Variants in APOLD1 observed in about 807,000 individuals in gnomAD.
The protein encoded by APOLD1 is apolipoprotein L domain containing 1, also known as apolipoprotein L domain-containing protein 1.
Under a neutral mutation model 15.3 loss-of-function variants are expected in APOLD1, and 22 were observed. The observed-to-expected ratio is 1.44, with a 90% CI of 1.03 to 2.05. The LOEUF is 2.05. APOLD1 is among the 30% of genes most tolerant of loss of function. The pLI, the probability that APOLD1 is intolerant of heterozygous loss-of-function variation, is 0.00. For synonymous variants in APOLD1, 190 were observed against 167.4 expected (o/e 1.13, Z -1.04); for missense variants, 394 against 353.5 (o/e 1.11, Z -0.92).
chr12:12,726,175 AAAAAAG>A, intron 1 of APOLD1: 1 of 941,188 alleles, frequency 1.1e-6, no homozygotes, highest in East Asian at 3.1e-5. Flanking sequence ...AAAAAAAAAA[AAAAAAG>A]AGGAAATAGA....
chr12:12,756,609 A>G (rs182142368), intron 1 of APOLD1, among the ~76,000 whole-genome samples: 136 of 152,130 alleles, frequency 8.9e-4, no homozygotes, highest in Middle Eastern at 3.4e-3. Flanking sequence ...ACCACTATCC[A>G]TTTCTAGAAC....
In APOLD1 at chr12:12,788,369, G is replaced by A. The variant is rs545250995; in HGVS notation, c.*717G>A. 11 of 152,410 alleles carry A rather than the reference G, an allele frequency of 7.2e-5. No individual in the cohort carries two copies. Among genetic ancestry groups the A allele is most frequent in the African/African-American group, 2.6e-4 (11 of 41,582 alleles). The allele number at this position is 152,410 out of a possible 1,614,324, so 9.4% of individuals were successfully genotyped here. On this transcript the variant is annotated 3_prime_UTR_variant, in exon 2 of 2. Transcript: ENST00000356591. ...TGAAGCTGAGGGCCAGATAGATGGAGCGACTGCCAACTTCATTTCCCGACA... is the reference window on the plus strand; with the variant it reads ...TGAAGCTGAGGGCCAGATAGATGGAACGACTGCCAACTTCATTTCCCGACA...
At chr12:12,762,608 C>T (rs1268285680) in intron 1 of APOLD1, among the ~76,000 whole-genome samples, 2 of 151,860 alleles carry the variant, frequency 1.3e-5, no homozygotes. Flanking sequence ...CCACCTCAGC[C>T]TCCCAAAGTA....
intron 1 of APOLD1, among the ~76,000 whole-genome samples, chr12:12,739,209 C>T (rs1946712573): frequency 6.6e-6 from 1 of 152,116 alleles, no homozygotes; most frequent in South Asian, 2.1e-4. Context: ...TTTCTTTTTC[C>T]CAGGACACCT....
chr12:12,733,892 C>T (rs538177595), intron 1 of APOLD1, among the ~76,000 whole-genome samples: 107 of 152,346 alleles, frequency 7.0e-4, no homozygotes, highest in Admixed American at 1.0e-3. Context: ...GCGTGAGCCA[C>T]CGCGCCCAGC....
At chr12:12,733,896 G>A (rs150760785) in intron 1 of APOLD1, among the ~76,000 whole-genome samples, 4 of 152,166 alleles carry the variant, frequency 2.6e-5, no homozygotes, top group African/African-American at 7.2e-5. Flanking sequence ...GAGCCACCGC[G>A]CCCAGCCGGT....
chr12:12,732,000 A>G (rs778709507), intron 1 of APOLD1, among the ~76,000 whole-genome samples: 16 of 152,330 alleles, frequency 1.1e-4, no homozygotes, highest in African/African-American at 2.4e-4. Context: ...CAGCACAACT[A>G]TAAGTATGTA....
In APOLD1 at chr12:12,787,595, C is replaced by T. The variant is rs1947143777; in HGVS notation, c.690C>T (p.Ser230=). ...CTCGGGTTCAGCTCTGCACCAAGTC[C>T]AGTCGTGGCCACGACCTCAAGATCT... ...LESRVQLCTK[S]SRGHDLKISA... The change falls in exon 2 of 2, where the codon TCC becomes TCT. Residue 230 remains serine (S), a synonymous_variant. Coordinates refer to ENST00000356591, the MANE Select transcript of APOLD1 (RefSeq NM_030817.3). The surrounding 1 kb of genome is among the most constrained non-coding windows in gnomAD (Gnocchi z 4.9). The T allele has an allele frequency of 6.2e-7, 1 of 1,611,410 alleles. No individual in the cohort carries two copies. The highest frequency in any genetic ancestry group is 8.5e-7 in the Non-Finnish European group (1 of 1,180,008).
intron 1 of APOLD1, among the ~76,000 whole-genome samples, chr12:12,744,307 T>TAA (rs35191312): frequency 6.9e-5 from 9 of 131,158 alleles, no homozygotes; most frequent in East Asian, 2.2e-4. Flanking sequence ...AGACCCTGCT[T>TAA]AAAAAAAAAA....
intron 1 of APOLD1, among the ~76,000 whole-genome samples, chr12:12,738,335 A>T (rs146038431): frequency 1.7e-3 from 260 of 150,570 alleles, no homozygotes; most frequent in African/African-American, 6.2e-3. Context: ...CAGCCTCCTG[A>T]GTAGCTGGGA....
At position 12,729,678 on chromosome 12, in the gene APOLD1, C is replaced by G. The variant is rs900621125; in HGVS notation, c.96+3582C>G. 2.0e-5 allele frequency among the ~76,000 whole-genome samples: 3 copies of G among 152,106 alleles called. No individual in the cohort carries two copies. In the East Asian group the frequency reaches 5.8e-4, roughly 29 times the overall value. On this transcript the variant is annotated intron_variant, in intron 1 of 1. Transcript: ENST00000326765. ...TGGAGGCTGAGGCAAGGGGATTGCT[C>G]TATCCCAGGAGTTCAGGGCCGCAGC...
At chr12:12,764,626 T>A in intron 1 of APOLD1, 1 of 457,708 alleles carries the variant, frequency 2.2e-6, no homozygotes, top group Middle Eastern at 3.5e-4. Flanking sequence ...CTACTAGGTG[T>A]GGGCTTTATT....
At chr12:12,769,150 C>T (rs1946964806) in intron 1 of APOLD1, among the ~76,000 whole-genome samples, 1 of 150,266 alleles carries the variant, frequency 6.7e-6, no homozygotes, top group Non-Finnish European at 1.5e-5. Flanking sequence ...ATCACTTGAG[C>T]CTAGGCAATT....
At chr12:12,782,666 C>CAACAA (rs948704304), upstream of APOLD1, among the ~76,000 whole-genome samples, 13 of 152,040 alleles carry the variant, frequency 8.6e-5, no homozygotes, top group African/African-American at 1.4e-4. Flanking sequence ...GACCCTGCCT[C>CAACAA]AACAAAACAA....
intron 1 of APOLD1, among the ~76,000 whole-genome samples, chr12:12,740,140 C>G (rs2136372910): frequency 6.6e-6 from 1 of 152,232 alleles, no homozygotes; most frequent in African/African-American, 2.4e-5. Flanking sequence ...TGCCACTACG[C>G]CTGGCTAATT....
chr12:12,764,847 G>T, intron 1 of APOLD1: 1 of 227,602 alleles, frequency 4.4e-6, no homozygotes. Context: ...AAACTCTGCT[G>T]GGCTAACAAA....
At chr12:12,736,074 G>C (rs1946682445) in intron 1 of APOLD1, among the ~76,000 whole-genome samples, 1 of 152,030 alleles carries the variant, frequency 6.6e-6, no homozygotes, top group Non-Finnish European at 1.5e-5. Context: ...CAAACAACTA[G>C]GCTGGGAGCA....
chr12:12,755,241 C>T (rs1238842156), intron 1 of APOLD1, among the ~76,000 whole-genome samples: 1 of 151,886 alleles, frequency 6.6e-6, no homozygotes, highest in African/African-American at 2.4e-5. Context: ...TGGGACAATT[C>T]GTTATATATA....
At chr12:12,753,632 C>G (rs890385998) in intron 1 of APOLD1, among the ~76,000 whole-genome samples, 9 of 151,920 alleles carry the variant, frequency 5.9e-5, no homozygotes, top group Non-Finnish European at 8.8e-5. Context: ...TGGATCACAC[C>G]ACTGCACTCC....
Sources: allele counts gnomAD v4.1 joint callset (sites outside exome capture counted in the v4.1 genomes callset), GRCh38; gene constraint gnomAD v4.1.1; non-coding constraint Gnocchi (gnomAD v3.1); transcripts MANE v1.5; gene names NCBI Gene and HGNC (gene_info 2026-07-23, HGNC 2026-07-21).